Variants in KCNIP4 observed in about 807,000 individuals in gnomAD.
KCNIP4 encodes the protein Kv channel-interacting protein 4.
Under a neutral mutation model 34.0 loss-of-function variants are expected in KCNIP4, and 12 were observed. The observed-to-expected ratio is 0.35, with a 90% CI of 0.23 to 0.57. The LOEUF is 0.57. KCNIP4 is among the 20% of genes least tolerant of loss of function. The pLI is 0.83. For missense variants in KCNIP4, 238 were observed against 311.7 expected (o/e 0.76, Z 1.78); for synonymous variants, 124 against 102.2 (o/e 1.21, Z -1.29).
intron 1 of KCNIP4, among the ~76,000 whole-genome samples, chr4:20,895,757 C>T (rs942171842): frequency 2.0e-5 from 3 of 152,130 alleles, no homozygotes; most frequent in African/African-American, 7.2e-5. Context: ...TGTGAATATC[C>T]ATTACTTGGC....
At chr4:21,065,726 CTATATATATATATATATA>C (rs5856598) in intron 1 of KCNIP4, among the ~76,000 whole-genome samples, 17 of 86,352 alleles carry the variant, frequency 2.0e-4, no homozygotes, top group Admixed American at 3.9e-4. Context: ...TATCATTTGT[CTATATATATATATATATA>C]TATATATATA....
At chr4:21,476,564 C>A (rs557875518) in intron 1 of KCNIP4, among the ~76,000 whole-genome samples, 1 of 152,256 alleles carries the variant, frequency 6.6e-6, no homozygotes, top group African/African-American at 2.4e-5. Context: ...TGGACTTACA[C>A]CGTCCAGAAC....
At chr4:20,906,404 A>G (rs1727775436) in intron 1 of KCNIP4, among the ~76,000 whole-genome samples, 1 of 152,130 alleles carries the variant, frequency 6.6e-6, no homozygotes, top group African/African-American at 2.4e-5. Context: ...TCACCCTTCC[A>G]TGAGAGCAGT....
chr4:21,015,021 C>T (rs1051496857), intron 1 of KCNIP4, among the ~76,000 whole-genome samples: 6 of 151,928 alleles, frequency 3.9e-5, no homozygotes, highest in Admixed American at 2.0e-4. Flanking sequence ...CACAAAAGGA[C>T]GAATGTTGTT....
rs544752046 is a variant in KCNIP4 at position 21,907,307 on chromosome 4, T to C, written c.61+41264A>G. On this transcript the variant is annotated intron_variant, in intron 1 of 8. Coordinates refer to ENST00000382152, the MANE Select transcript of KCNIP4 (RefSeq NM_025221.6). ...ATAAAGCAAGGCCGCCCCTCACACG[T>C]TGTCTCTTTCACACACACTAGCTTG... 3.0e-4 allele frequency among the ~76,000 whole-genome samples: 45 copies of C among 152,266 alleles called. No homozygotes were observed. The East Asian group carries it at 8.7e-3, about 29-fold the overall frequency.
chr4:20,996,127 T>A (rs556551563), intron 1 of KCNIP4, among the ~76,000 whole-genome samples: 46 of 152,240 alleles, frequency 3.0e-4, no homozygotes, highest in Middle Eastern at 6.8e-3. Flanking sequence ...ACAAATCCAA[T>A]CAACAAATCC....
At chr4:21,229,932 A>G (rs936809602) in intron 1 of KCNIP4, among the ~76,000 whole-genome samples, 1 of 152,186 alleles carries the variant, frequency 6.6e-6, no homozygotes, top group African/African-American at 2.4e-5. Flanking sequence ...ATAAAGCAGT[A>G]TAAGCAACTG....
chr4:21,214,398 G>A lies in KCNIP4; in HGVS notation c.62-331689C>T, dbSNP rs180992663. On this transcript the variant is annotated intron_variant, in intron 1 of 8. Coordinates refer to ENST00000382152, the MANE Select transcript of KCNIP4 (RefSeq NM_025221.6). ...ACTGTGTTATAAATGGTCCGTTTAC[G>A]TTCTGTCTCTTTCATTAGGCTGACT... Among the ~76,000 whole-genome samples the A allele has an allele frequency of 3.3e-3, 503 of 152,082 alleles. 3 individuals are homozygous for A. Among genetic ancestry groups the A allele is most frequent in the Middle Eastern group, 0.02 (6 of 294 alleles).
intron 1 of KCNIP4, among the ~76,000 whole-genome samples, chr4:21,937,284 T>G (rs192837952): frequency 1.3e-5 from 2 of 152,188 alleles, no homozygotes; most frequent in Middle Eastern, 3.4e-3. Context: ...TCCGCCTATA[T>G]TCCTTGTCTC....
chr4:20,742,750 A>T (rs571109458), intron 5 of KCNIP4, among the ~76,000 whole-genome samples: 1 of 152,170 alleles, frequency 6.6e-6, no homozygotes, highest in African/African-American at 2.4e-5. Flanking sequence ...AAGGGTATTC[A>T]ATTAGGGAAA....
intron 1 of KCNIP4, among the ~76,000 whole-genome samples, chr4:21,065,218 G>A (rs921458916): frequency 4.6e-5 from 7 of 152,146 alleles, no homozygotes; most frequent in Admixed American, 6.5e-5. Context: ...TGTGGTGAAC[G>A]TACAAGTGTC....
At chr4:21,492,420 C>T (rs576785721) in intron 1 of KCNIP4, among the ~76,000 whole-genome samples, 5 of 152,106 alleles carry the variant, frequency 3.3e-5, no homozygotes, top group African/African-American at 1.2e-4. Flanking sequence ...CATAGGGCCT[C>T]TCTTTTTTGC....
chr4:21,799,299 C>G (rs1720846899), intron 1 of KCNIP4, among the ~76,000 whole-genome samples: 1 of 152,178 alleles, frequency 6.6e-6, no homozygotes, highest in African/African-American at 2.4e-5. Flanking sequence ...TGGCTGAGGT[C>G]TATTATCTCT....
chr4:20,802,631 T>A (rs1331574726), intron 3 of KCNIP4, among the ~76,000 whole-genome samples: 1 of 152,122 alleles, frequency 6.6e-6, no homozygotes, highest in Admixed American at 6.5e-5. Flanking sequence ...AATTTAAGAA[T>A]ATCGAAATCA....
intron 1 of KCNIP4, among the ~76,000 whole-genome samples, chr4:21,708,725 T>TG (rs1246988900): frequency 1.3e-5 from 2 of 152,138 alleles, no homozygotes; most frequent in African/African-American, 4.8e-5. Flanking sequence ...AGGCAATCAA[T>TG]AGGCAGCTTT....
intron 1 of KCNIP4, among the ~76,000 whole-genome samples, chr4:21,105,519 T>C (rs564054215): frequency 6.6e-6 from 1 of 151,840 alleles, no homozygotes; most frequent in East Asian, 1.9e-4. Flanking sequence ...GTTTTCTAGA[T>C]ATACAATCAT....
intron 1 of KCNIP4, among the ~76,000 whole-genome samples, chr4:21,333,607 C>T (rs1349452775): frequency 6.6e-6 from 1 of 151,876 alleles, no homozygotes; most frequent in Non-Finnish European, 1.5e-5. Context: ...TCGTTCTATA[C>T]TCCCAAAGCC....
At chr4:20,799,895 A>G (rs191574541) in intron 3 of KCNIP4, among the ~76,000 whole-genome samples, 1 of 152,328 alleles carries the variant, frequency 6.6e-6, no homozygotes, top group East Asian at 1.9e-4. Context: ...GGGTCAGAAC[A>G]TAGCTATATT....
chr4:20,853,882 A>G (rs530395156), intron 2 of KCNIP4, among the ~76,000 whole-genome samples: 1 of 152,348 alleles, frequency 6.6e-6, no homozygotes, highest in South Asian at 2.1e-4. Flanking sequence ...TGGCTAACAC[A>G]CATGAAAAAA....
Sources: gnomAD v4.1 joint callset for allele counts (sites outside exome capture counted in the v4.1 genomes callset) on GRCh38, gnomAD v4.1.1 for gene constraint, MANE v1.5 for transcripts, NCBI Gene and HGNC (gene_info 2026-07-23, HGNC 2026-07-21) for gene names.